ZBTB20: variants seen among roughly 807,000 people sequenced by gnomAD.
The protein encoded by ZBTB20 is zinc finger and BTB domain-containing protein 20.
A neutral mutation model predicts 56.9 loss-of-function variants in ZBTB20; 9 were observed. That is an observed-to-expected ratio of 0.16 (90% CI 0.10 to 0.28). The LOEUF (loss-of-function observed/expected upper bound fraction) is 0.28, where lower values mean the gene tolerates loss of function less well. Among genes scored for constraint, ZBTB20 ranks in the 10% least tolerant of loss-of-function variants. The pLI is 1.00. For synonymous variants in ZBTB20, 417 were observed against 420.7 expected, an observed-to-expected ratio of 0.99 and a Z score of 0.11; for missense variants, 655 against 1,003.0, an observed-to-expected ratio of 0.65 and a Z score of 4.69.
intron 10 of ZBTB20, among the ~76,000 whole-genome samples, chr3:114,355,019 C>T (rs1182382835): frequency 2.0e-5 from 3 of 152,146 alleles, no homozygotes; most frequent in Admixed American, 6.5e-5. Flanking sequence ...AAAGCTTTTT[C>T]CACTGCATAA....
chr3:115,015,958 T>G (rs2079936447), intron 2 of ZBTB20, among the ~76,000 whole-genome samples: 1 of 151,960 alleles, frequency 6.6e-6, no homozygotes, highest in Non-Finnish European at 1.5e-5. Flanking sequence ...CATTCCTTTT[T>G]CTCCGCAACC....
At chr3:115,081,650 CT>C (rs66664640) in intron 1 of ZBTB20, among the ~76,000 whole-genome samples, 11,844 of 152,124 alleles carry the variant, frequency 0.078, 563 homozygotes, top group Admixed American at 0.16. Flanking sequence ...AGAAGGACCC[CT>C]GGTGTCCAGC....
rs539172975 is a variant in ZBTB20, at chr3:114,859,420, C to T, written c.-417+40884G>A. On this transcript the variant is annotated intron_variant, in intron 4 of 11. Coordinates refer to ENST00000675478, the MANE Select transcript of ZBTB20 (RefSeq NM_001348800.3). ...CCTTTTCTTTTCTCGTGCTTCTCTC[C>T]CTTAGTTTCTCTCTTCTTTCCTTCC... 2.4e-4 allele frequency among the ~76,000 whole-genome samples: 37 copies of T among 151,526 alleles called. 1 individual carries two copies. In the South Asian group the frequency reaches 7.5e-3, roughly 31 times the overall value.
At chr3:114,987,579 T>C (rs1241894776) in intron 2 of ZBTB20, among the ~76,000 whole-genome samples, 2 of 152,154 alleles carry the variant, frequency 1.3e-5, no homozygotes, top group Non-Finnish European at 2.9e-5. Flanking sequence ...CCTATGCTCT[T>C]GCTGTTTGTT....
chr3:114,951,777 T>G (rs1035034930), intron 3 of ZBTB20, among the ~76,000 whole-genome samples: 2 of 152,072 alleles, frequency 1.3e-5, no homozygotes, highest in Middle Eastern at 3.2e-3. Context: ...ACTAGGAACA[T>G]GTGAACTCAT....
chr3:114,642,723 C>T (rs1460182468), intron 6 of ZBTB20, among the ~76,000 whole-genome samples: 1 of 152,056 alleles, frequency 6.6e-6, no homozygotes, highest in Non-Finnish European at 1.5e-5. Flanking sequence ...AATAGCTCTA[C>T]AACTCGGTGA....
intron 5 of ZBTB20, among the ~76,000 whole-genome samples, chr3:114,772,554 A>C (rs970867250): frequency 6.6e-6 from 1 of 152,058 alleles, no homozygotes; most frequent in Non-Finnish European, 1.5e-5. Context: ...CCTCGCCCCT[A>C]GTTATTCTGT....
chr3:115,105,755 T>C (rs1013048198), intron 1 of ZBTB20, among the ~76,000 whole-genome samples: 30 of 152,232 alleles, frequency 2.0e-4, no homozygotes, highest in African/African-American at 7.2e-4. Context: ...TCCTATTTTC[T>C]ATAGCCTGAG....
chr3:115,056,560 A>C (rs966452750), intron 2 of ZBTB20, among the ~76,000 whole-genome samples: 1 of 152,156 alleles, frequency 6.6e-6, no homozygotes, highest in Non-Finnish European at 1.5e-5. Context: ...AAGTTAGCTT[A>C]TAGAATAATA....
At chr3:114,425,677 C>T (rs2089584526) in intron 7 of ZBTB20, among the ~76,000 whole-genome samples, 1 of 152,148 alleles carries the variant, frequency 6.6e-6, no homozygotes, top group Non-Finnish European at 1.5e-5. Flanking sequence ...AGGGCTGATG[C>T]ACTCATCCAT....
intron 7 of ZBTB20, among the ~76,000 whole-genome samples, chr3:114,451,746 T>C (rs1490527151): frequency 6.6e-6 from 1 of 152,156 alleles, no homozygotes; most frequent in Non-Finnish European, 1.5e-5. Flanking sequence ...GCAGGACACG[T>C]CGCCAAGAAC....
intron 7 of ZBTB20, among the ~76,000 whole-genome samples, chr3:114,419,660 C>A (rs1047048140): frequency 6.6e-6 from 1 of 152,058 alleles, no homozygotes; most frequent in Non-Finnish European, 1.5e-5. Flanking sequence ...ACTTTAATCA[C>A]TAAGTTTTAG....
chr3:115,131,786 T>A (rs193086344), intron 1 of ZBTB20, among the ~76,000 whole-genome samples: 1 of 152,190 alleles, frequency 6.6e-6, no homozygotes, highest in South Asian at 2.1e-4. Context: ...AATGGGAATA[T>A]ACTTTCATTT....
intron 11 of ZBTB20, among the ~76,000 whole-genome samples, chr3:114,342,306 C>T (rs1166531800): frequency 6.6e-6 from 1 of 152,164 alleles, no homozygotes; most frequent in African/African-American, 2.4e-5. Flanking sequence ...TCGATTGTTG[C>T]TCTCCAAGTA....
intron 6 of ZBTB20, among the ~76,000 whole-genome samples, chr3:114,691,367 T>TA (rs1327485373): frequency 2.0e-5 from 3 of 152,148 alleles, no homozygotes; most frequent in African/African-American, 7.2e-5. Flanking sequence ...GGCCATCAGT[T>TA]AGTCATTGTG....
At chr3:114,631,442 G>T (rs1421880504) in intron 6 of ZBTB20, among the ~76,000 whole-genome samples, 2 of 123,646 alleles carry the variant, frequency 1.6e-5, no homozygotes, top group African/African-American at 6.1e-5. Context: ...GCCCAGGCTG[G>T]AGTGCAGTGG....
At chr3:114,604,688 G>C (rs2057013356) in intron 6 of ZBTB20, among the ~76,000 whole-genome samples, 1 of 152,010 alleles carries the variant, frequency 6.6e-6, no homozygotes. Context: ...AAAAAAACTT[G>C]GCAGTTTGGT....
chr3:114,787,362 TATATATACAC>T lies in ZBTB20; in HGVS notation c.-343+13729_-343+13738del, dbSNP rs2070596200. ...ATATATATATATATATATATATATA[TATATATACAC>T]ACACACACACACACACACACATATA... On this transcript the variant is annotated intron_variant, in intron 5 of 11. Coordinates refer to ENST00000675478, the MANE Select transcript of ZBTB20 (RefSeq NM_001348800.3). Among the ~76,000 whole-genome samples the T allele has an allele frequency of 5.6e-5, 4 of 71,414 alleles. 2 individuals carry two copies. Among genetic ancestry groups the T allele is most frequent in the Admixed American group, 2.9e-4 (2 of 6,936 alleles). The allele number at this position is 71,414 out of a possible 152,430, so 46.9% of individuals were successfully genotyped here. A position where few individuals can be genotyped will look rare whatever the true frequency, so the allele number is the denominator to read the frequency against.
chr3:115,034,615 G>A (rs574019769), intron 2 of ZBTB20, among the ~76,000 whole-genome samples: 50 of 151,922 alleles, frequency 3.3e-4, no homozygotes, highest in African/African-American at 1.2e-3. Context: ...TTGTGTTCAC[G>A]AATTGGAAGG....
Sources: gnomAD v4.1 joint callset for allele counts (sites outside exome capture counted in the v4.1 genomes callset) on GRCh38, gnomAD v4.1.1 for gene constraint, MANE v1.5 for transcripts, NCBI Gene and HGNC (gene_info 2026-07-23, HGNC 2026-07-21) for gene names.